The following ADA2 variants were observed in gnomAD, a reference collection of about 807,000 sequenced individuals.
The protein encoded by ADA2 is adenosine deaminase 2.
A neutral mutation model predicts 44.2 loss-of-function variants in ADA2; 29 were observed. The observed-to-expected ratio is 0.66, with a 90% CI of 0.49 to 0.89. The LOEUF (loss-of-function observed/expected upper bound fraction) is 0.89, where lower values mean the gene tolerates loss of function less well. ADA2 is among the 40% of genes least tolerant of loss of function. The pLI is 0.00. For missense variants in ADA2, 637 were observed against 644.8 expected, an observed-to-expected ratio of 0.99 and a Z score of 0.13; for synonymous variants, 215 against 234.9, an observed-to-expected ratio of 0.92 and a Z score of 0.77.
chr22:17,199,440 T>TTCCCCTCCCTCCCCTCCTCTATCCTCG, intron 4 of ADA2: 1 of 1,027,936 alleles, frequency 9.7e-7, no homozygotes, highest in Non-Finnish European at 1.5e-6. Flanking sequence ...CTCTATCCTC[T>TTCCCCTCCCTCCCCTCCTCTATCCTCG]TCCCCTCCAC....
intron 2 of ADA2, 107 bp downstream of exon 2, chr22:17,209,249 C>G: frequency 1.0e-6 from 1 of 953,986 alleles, no homozygotes; most frequent in Non-Finnish European, 1.6e-6. Flanking sequence ...CTGAGTGAGG[C>G]TTTCTCTGCT....
At chr22:17,183,124 G>A (rs149657437) in intron 7 of ADA2, among the ~76,000 whole-genome samples, 2,042 of 151,732 alleles carry the variant, frequency 0.013, 43 homozygotes, top group African/African-American at 0.047. Flanking sequence ...TTGCTCTGTC[G>A]CCAGGCTGGA....
intron 1 of ADA2, among the ~76,000 whole-genome samples, chr22:17,218,583 G>A (rs1037144074): frequency 2.0e-5 from 3 of 151,984 alleles, no homozygotes; most frequent in Admixed American, 6.6e-5. Flanking sequence ...TCTCCCTGGT[G>A]ACACATAACA....
At chr22:17,215,727 G>A in intron 1 of ADA2, among the ~76,000 whole-genome samples, 1 of 152,194 alleles carries the variant, frequency 6.6e-6, no homozygotes, top group Non-Finnish European at 1.5e-5. Context: ...TCCCACTCAT[G>A]TGTGAGAGCT....
chr22:17,187,577 A>G lies in ADA2; in HGVS notation c.1081+762T>C, dbSNP rs111514978. Among the ~76,000 whole-genome samples the G allele has an allele frequency of 2.1e-3, 315 of 152,070 alleles. 2 individuals are homozygous for G. The highest frequency in any genetic ancestry group is 7.2e-3 in the African/African-American group (300 of 41,464). On this transcript the variant is annotated intron_variant, in intron 7 of 9. Transcript: ENST00000399837. ...AGTGCTAGGATTACAGGCATGAGCC[A>G]CTGTGCCTGTGCCCAGCCTAAAACG...
In ADA2 at chr22:17,203,712, C is replaced by G; in HGVS notation, c.604G>C (p.Val202Leu). ...ATGGTTTCAAATTTCGACCAGACAA[C>G]ATTTTGGTTTGTGTAAATCACCTCC... ...HPEVIYTNQNVVWSKFETIFF... is the reference protein window; with the variant it reads ...HPEVIYTNQNLVWSKFETIFF... Residue 202 changes from valine to leucine, a missense_variant, in exon 4 of 10, where the codon GTT becomes CTT. Physicochemically the swap from Val to Leu is conservative, Grantham distance 32. Coordinates refer to ENST00000399837, the MANE Select transcript of ADA2 (RefSeq NM_001282225.2). 1 of 1,614,188 alleles carries G rather than the reference C, an allele frequency of 6.2e-7. No homozygotes were observed. Among genetic ancestry groups the G allele is most frequent in the Non-Finnish European group, 8.5e-7 (1 of 1,180,020 alleles).
intron 6 of ADA2, 36 bp from the exon 7 acceptor site, chr22:17,188,483 G>A: frequency 6.8e-7 from 1 of 1,465,916 alleles, no homozygotes; most frequent in Non-Finnish European, 9.5e-7. Context: ...GTGTCTGCAG[G>A]GCGCATGCCT....
intron 4 of ADA2, chr22:17,199,611 A>G (rs781500967): frequency 6.2e-7 from 1 of 1,614,082 alleles, no homozygotes; most frequent in Non-Finnish European, 8.5e-7. Context: ...TTGAAGCCAG[A>G]TGCTCTCTGG....
intron 4 of ADA2, among the ~76,000 whole-genome samples, chr22:17,193,770 T>C (rs548130801): frequency 1.3e-5 from 2 of 151,420 alleles, no homozygotes; most frequent in South Asian, 2.1e-4. Flanking sequence ...ATTACTTCCA[T>C]GGCATCAGTT....
At chr22:17,184,297 T>C (rs1252000106) in intron 7 of ADA2, among the ~76,000 whole-genome samples, 5 of 152,034 alleles carry the variant, frequency 3.3e-5, no homozygotes, top group Admixed American at 2.6e-4. Flanking sequence ...GGGCCCTCGG[T>C]AGAGGATGAA....
chr22:17,199,442 C>CCCCTCCCTCCCCTCCTCTATCCACTTA, intron 4 of ADA2: 3 of 1,022,716 alleles, frequency 2.9e-6, no homozygotes, highest in Non-Finnish European at 3.1e-6. Flanking sequence ...CTATCCTCTT[C>CCCCTCCCTCCCCTCCTCTATCCACTTA]CCCTCCACCC....
rs1353758475 is a variant in ADA2 at position 17,209,522 on chromosome 22, C to T, written c.156G>A (p.Leu52=). Residue 52 remains leucine (L), a synonymous_variant, in exon 2 of 10, where the codon CTG becomes CTA. Transcript: ENST00000399837. ...CATTGGCCAGCTCCTCCTTGGTGTT[C>T]AGCACCAGCCGCCCCCCCAGCCGCA... ...KMMRLGGRLV[L]NTKEELANER... is the part of the protein sequence containing the mutation. 6.2e-7 allele frequency: 1 copy of T among 1,614,104 alleles called. No homozygotes were observed. Among genetic ancestry groups the T allele is most frequent in the African/African-American group, 1.3e-5 (1 of 75,030 alleles).
chr22:17,183,787 T>C (rs1310664585), intron 7 of ADA2, among the ~76,000 whole-genome samples: 1 of 151,864 alleles, frequency 6.6e-6, no homozygotes, highest in African/African-American at 2.4e-5. Context: ...TTATGATCTT[T>C]ACAACAATAT....
chr22:17,185,416 AAAAATAAAAT>A (rs141255135), intron 7 of ADA2, among the ~76,000 whole-genome samples: 129,936 of 148,664 alleles, frequency 0.87, 56,909 homozygotes, highest in East Asian at 0.92. Context: ...CTCCGTCTCA[AAAAATAAAAT>A]AAAATAAAAT....
At chr22:17,206,336 A>G (rs1484331211) in intron 3 of ADA2, among the ~76,000 whole-genome samples, 1 of 152,124 alleles carries the variant, frequency 6.6e-6, no homozygotes, top group Admixed American at 6.6e-5. Context: ...ACATGTCTGT[A>G]ATCCCAGCTA....
chr22:17,195,377 C>A (rs748341869), intron 4 of ADA2, among the ~76,000 whole-genome samples: 5 of 151,662 alleles, frequency 3.3e-5, no homozygotes, highest in Non-Finnish European at 5.9e-5. Context: ...AAAAATACAA[C>A]AATTAGCCGG....
intron 7 of ADA2, among the ~76,000 whole-genome samples, chr22:17,184,859 G>T (rs1284085567): frequency 6.8e-6 from 1 of 146,654 alleles, no homozygotes; most frequent in Non-Finnish European, 1.5e-5. Flanking sequence ...AACCCAGGAG[G>T]TGGAGGCTGT....
intron 4 of ADA2, among the ~76,000 whole-genome samples, chr22:17,200,577 T>C (rs2062267399): frequency 6.6e-6 from 1 of 152,124 alleles, no homozygotes; most frequent in Admixed American, 6.6e-5. Flanking sequence ...GCCTTGCCGC[T>C]AAACTCACCA....
intron 1 of ADA2, among the ~76,000 whole-genome samples, chr22:17,216,781 C>CAT (rs151003152): frequency 3.2e-5 from 4 of 123,852 alleles, no homozygotes; most frequent in Non-Finnish European, 6.6e-5. Flanking sequence ...AACACACACA[C>CAT]ACACACACAT....
Sources: allele counts gnomAD v4.1 joint callset (sites outside exome capture counted in the v4.1 genomes callset), GRCh38; gene constraint gnomAD v4.1.1; transcripts MANE v1.5; gene names NCBI Gene and HGNC (gene_info 2026-07-23, HGNC 2026-07-21).